Variants in TNS3 observed in about 807,000 individuals in gnomAD.
The protein encoded by TNS3 is tensin 3.
TNS3 carries 45 observed loss-of-function variants against 140.9 expected under a neutral mutation model. The ratio of observed to expected loss-of-function variants is 0.32; its 90% confidence interval spans 0.25 to 0.41. The LOEUF (loss-of-function observed/expected upper bound fraction) is 0.41, where lower values mean the gene tolerates loss of function less well. Ranked by LOEUF, TNS3 falls within the 10% of genes least tolerant of loss-of-function variation. The pLI is 1.00. For synonymous variants in TNS3, 815 were observed against 788.4 expected, an observed-to-expected ratio of 1.03 and a Z score of -0.56; for missense variants, 1,716 against 1,906.7, an observed-to-expected ratio of 0.90 and a Z score of 1.86.
chr7:47,294,909 C>T (rs1181509528), intron 24 of TNS3, among the ~76,000 whole-genome samples: 1 of 152,172 alleles, frequency 6.6e-6, no homozygotes, highest in Non-Finnish European at 1.5e-5. Flanking sequence ...TGAGAAATGG[C>T]TCAGTGGGAA....
At chr7:47,346,144 A>G in intron 18 of TNS3, 43 bp downstream of exon 18, 26 of 1,603,134 alleles carry the variant, frequency 1.6e-5, no homozygotes, top group Non-Finnish European at 2.2e-5. Context: ...CAAGAAAGGG[A>G]GTGGAATGGG....
At chr7:47,353,356 C>A (rs1789797601) in intron 17 of TNS3, among the ~76,000 whole-genome samples, 1 of 152,202 alleles carries the variant, frequency 6.6e-6, no homozygotes, top group African/African-American at 2.4e-5. Context: ...GGCGCTGAGG[C>A]ACTGACTTCT....
At chr7:47,343,834 T>A (rs529829000) in intron 20 of TNS3, among the ~76,000 whole-genome samples, 1 of 152,298 alleles carries the variant, frequency 6.6e-6, no homozygotes, top group South Asian at 2.1e-4. Flanking sequence ...CAATTTATGG[T>A]CCTGAAACCA....
At position 47,345,025 on chromosome 7, in the gene TNS3, C is replaced by G; in HGVS notation, c.2465G>C (p.Gly822Ala). The change falls in exon 19 of 31, where the codon GGC becomes GCC. Residue 822 changes from glycine (G) to alanine (A), a missense_variant. Gly to Ala is a moderately conservative substitution (Grantham distance 60). Coordinates refer to ENST00000311160, the MANE Select transcript of TNS3 (RefSeq NM_022748.12). ...GATAATATCGAGGTCCTGGGGATAG[C>G]CAGGGGTCATCGTCTGAAATTGGCA... ...PADVKETMTP[G>A]YPQDLDIIDG... 1.2e-6 allele frequency: 2 copies of G among 1,613,904 alleles called. No individual in the cohort carries two copies. The highest frequency in any genetic ancestry group is 1.7e-6 in the Non-Finnish European group (2 of 1,179,986).
intron 13 of TNS3, among the ~76,000 whole-genome samples, chr7:47,402,365 G>C (rs1020868514): frequency 2.0e-5 from 3 of 152,288 alleles, no homozygotes; most frequent in Non-Finnish European, 2.9e-5. Context: ...TGGCCTCCAG[G>C]GGCCCAGGAA....
At chr7:47,308,284 T>C (rs748008335) in intron 20 of TNS3, among the ~76,000 whole-genome samples, 7 of 152,218 alleles carry the variant, frequency 4.6e-5, no homozygotes, top group Non-Finnish European at 1.0e-4. Context: ...ATTTTTCATT[T>C]CAGACACTGG....
At chr7:47,361,206 CAAAAA>C (rs56823708) in intron 17 of TNS3, among the ~76,000 whole-genome samples, 1 of 47,154 alleles carries the variant, frequency 2.1e-5, no homozygotes, top group Non-Finnish European at 4.6e-5. Flanking sequence ...GTAACCATGC[CAAAAA>C]AAAAAAAAAA....
intron 16 of TNS3, among the ~76,000 whole-genome samples, chr7:47,384,094 C>A (rs531993924): frequency 1.3e-5 from 2 of 152,332 alleles, no homozygotes; most frequent in East Asian, 1.9e-4. Flanking sequence ...CATTCTCCCC[C>A]CACTGTCTCC....
At chr7:47,476,553 T>G (rs1274726696) in intron 4 of TNS3, among the ~76,000 whole-genome samples, 1 of 152,188 alleles carries the variant, frequency 6.6e-6, no homozygotes, top group Non-Finnish European at 1.5e-5. Context: ...TTTATAGTTC[T>G]AAAAGCCAGA....
At chr7:47,391,914 C>T (rs4724573) in intron 16 of TNS3, among the ~76,000 whole-genome samples, 30,804 of 152,086 alleles carry the variant, frequency 0.2, 3,544 homozygotes, top group Admixed American at 0.3. Flanking sequence ...AGCCCTGTCC[C>T]GCACGGTCTC....
At position 47,369,582 on chromosome 7, in the gene TNS3, G is replaced by C. The variant is rs769185867; in HGVS notation, c.1064C>G (p.Ala355Gly). The change falls in exon 17 of 31, where the codon GCG (alanine) becomes GGG (glycine). Residue 355 changes from alanine (A) to glycine (G), a missense_variant. Physicochemically the swap from Ala to Gly is moderately conservative, Grantham distance 60. Coordinates refer to ENST00000311160, the MANE Select transcript of TNS3 (RefSeq NM_022748.12). ...TQGPVDGSLY[A>G]KVRKKSSSDP... Reference sequence around the variant, plus strand: ...CGAGGAGCTTTTCTTCCTCACCTTCGCGTAAAGGCTGCCATCGACAGGGCC... The same window carrying C: ...CGAGGAGCTTTTCTTCCTCACCTTCCCGTAAAGGCTGCCATCGACAGGGCC... 1 of 1,604,234 alleles carries C rather than the reference G, an allele frequency of 6.2e-7. No homozygotes were observed. The highest frequency in any genetic ancestry group is 8.5e-7 in the Non-Finnish European group (1 of 1,174,868).
At chr7:47,285,225 A>G (rs1028641654) in intron 27 of TNS3, among the ~76,000 whole-genome samples, 1 of 152,158 alleles carries the variant, frequency 6.6e-6, no homozygotes. Context: ...CAAAGGCCAT[A>G]TTGTTTATAG....
intron 1 of TNS3, among the ~76,000 whole-genome samples, chr7:47,534,751 C>T (rs1799541520): frequency 6.6e-6 from 1 of 152,202 alleles, no homozygotes. Flanking sequence ...TTTCTGATAA[C>T]ACAGGTTGTG....
At chr7:47,556,138 A>C (rs372318105) in intron 1 of TNS3, among the ~76,000 whole-genome samples, 33 of 152,354 alleles carry the variant, frequency 2.2e-4, no homozygotes, top group Admixed American at 3.9e-4. Flanking sequence ...GTTGGAGTTC[A>C]GTGTGTGAAT....
chr7:47,520,713 T>G (rs980015927), intron 2 of TNS3, among the ~76,000 whole-genome samples: 14 of 152,172 alleles, frequency 9.2e-5, no homozygotes, highest in African/African-American at 3.4e-4. Context: ...CAGAAATTAT[T>G]CAGATGAAAT....
chr7:47,364,534 G>A (rs757222146), intron 17 of TNS3, among the ~76,000 whole-genome samples: 5 of 152,032 alleles, frequency 3.3e-5, no homozygotes, highest in South Asian at 2.1e-4. Flanking sequence ...TGCCTGCCTC[G>A]GCCCAGTAAG....
chr7:47,357,762 G>C (rs1463153724), intron 17 of TNS3, among the ~76,000 whole-genome samples: 1 of 152,130 alleles, frequency 6.6e-6, no homozygotes, highest in Non-Finnish European at 1.5e-5. Flanking sequence ...AAGGCGGAAG[G>C]GGGGAATCCC....
chr7:47,275,450 A>G lies in TNS3; in HGVS notation c.*2626T>C, dbSNP rs761536310. ...CCTGGCTATAACATGCGTTGGGCAC[A>G]GTTCGTGAACTCTCCGCATTTACTC... On this transcript the variant is annotated 3_prime_UTR_variant, in exon 31 of 31. Transcript: ENST00000311160. 6.4e-5 allele frequency: 12 copies of G among 188,202 alleles called. No individual in the cohort carries two copies. Among genetic ancestry groups the G allele is most frequent in the Middle Eastern group, 2.1e-3 (1 of 486 alleles). The allele number at this position is 188,202 out of a possible 1,614,324, so 11.7% of individuals were successfully genotyped here.
chr7:47,478,757 A>G (rs13246194), intron 4 of TNS3, among the ~76,000 whole-genome samples: 1 of 152,108 alleles, frequency 6.6e-6, no homozygotes, highest in Non-Finnish European at 1.5e-5. Context: ...TCATGTGTTG[A>G]CACATGTATA....
Sources: gnomAD v4.1 joint callset for allele counts (sites outside exome capture counted in the v4.1 genomes callset) on GRCh38, gnomAD v4.1.1 for gene constraint, MANE v1.5 for transcripts, NCBI Gene and HGNC (gene_info 2026-07-23, HGNC 2026-07-21) for gene names.